AKAP6: variants seen among roughly 807,000 people sequenced by gnomAD.
The protein encoded by AKAP6 is A-kinase anchoring protein 6.
A neutral mutation model predicts 188.5 loss-of-function variants in AKAP6; 58 were observed. The observed-to-expected ratio is 0.31, with a 90% CI of 0.25 to 0.38. AKAP6 has a LOEUF of 0.38. Ranked by LOEUF, AKAP6 falls within the 10% of genes least tolerant of loss-of-function variation. AKAP6 has a pLI of 1.00. For missense variants in AKAP6, 2,710 were observed against 2,740.0 expected (o/e 0.99, Z 0.24); for synonymous variants, 989 against 998.6 (o/e 0.99, Z 0.18).
At chr14:32,411,178 G>C (rs1440018455) in intron 1 of AKAP6, among the ~76,000 whole-genome samples, 1 of 152,026 alleles carries the variant, frequency 6.6e-6, no homozygotes, top group Non-Finnish European at 1.5e-5. Flanking sequence ...ACTACTACTA[G>C]ACATTCTACA....
chr14:32,723,831 G>A (rs893419282), intron 9 of AKAP6, among the ~76,000 whole-genome samples: 2 of 152,088 alleles, frequency 1.3e-5, no homozygotes, highest in East Asian at 1.9e-4. Flanking sequence ...TATGACAGTA[G>A]CAATAGTTAG....
intron 8 of AKAP6, among the ~76,000 whole-genome samples, chr14:32,689,368 G>A (rs541923303): frequency 1.3e-5 from 2 of 152,156 alleles, no homozygotes; most frequent in South Asian, 4.2e-4. Flanking sequence ...TGGACAGATG[G>A]TCCACGAGAA....
At chr14:32,617,988 A>G (rs1463285673) in intron 7 of AKAP6, among the ~76,000 whole-genome samples, 5 of 151,706 alleles carry the variant, frequency 3.3e-5, no homozygotes, top group Non-Finnish European at 5.9e-5. Flanking sequence ...GTTGATTCAT[A>G]CTCTTTGAGA....
intron 1 of AKAP6, among the ~76,000 whole-genome samples, chr14:32,365,620 C>T (rs978596885): frequency 6.6e-6 from 1 of 152,192 alleles, no homozygotes; most frequent in Non-Finnish European, 1.5e-5. Context: ...GGGTGCCACT[C>T]CTGGGCCACT....
chr14:32,704,338 TC>T (rs1299141281), intron 9 of AKAP6, among the ~76,000 whole-genome samples: 2 of 152,220 alleles, frequency 1.3e-5, no homozygotes, highest in Non-Finnish European at 2.9e-5. Context: ...TAGTATTCCC[TC>T]TTTTGTTAAG....
chr14:32,362,447 T>G (rs1211185092), intron 1 of AKAP6, among the ~76,000 whole-genome samples: 4 of 152,156 alleles, frequency 2.6e-5, no homozygotes, highest in Non-Finnish European at 5.9e-5. Flanking sequence ...CGGGAAAAGC[T>G]TCAGAGAGAA....
chr14:32,681,345 G>C (rs12883773), intron 8 of AKAP6, among the ~76,000 whole-genome samples: 1 of 151,796 alleles, frequency 6.6e-6, no homozygotes, highest in African/African-American at 2.4e-5. Flanking sequence ...TCTTCAGTCT[G>C]TGTAAAGGAG....
intron 2 of AKAP6, among the ~76,000 whole-genome samples, chr14:32,443,694 A>G (rs901972728): frequency 6.6e-6 from 1 of 152,166 alleles, no homozygotes; most frequent in Non-Finnish European, 1.5e-5. Context: ...GGGCTTCCAC[A>G]TGATTTGTTT....
rs779782808 is a variant in AKAP6 at position 32,547,005 on chromosome 14, G to T, written c.2346+6G>T. The T allele has an allele frequency of 6.3e-7, 1 of 1,581,134 alleles. No individual in the cohort carries two copies. The highest frequency in any genetic ancestry group is 8.5e-7 in the Non-Finnish European group (1 of 1,171,220). On this transcript the variant is annotated splice_donor_region_variant and intron_variant, in intron 4 of 13. Coordinates refer to ENST00000280979, the MANE Select transcript of AKAP6 (RefSeq NM_004274.5). ...CCATATGGGAAAAAATAGAGGTAAGGTGGTTTTCTTAACATGAATGATTTC... is the reference window on the plus strand; with the variant it reads ...CCATATGGGAAAAAATAGAGGTAAGTTGGTTTTCTTAACATGAATGATTTC...
chr14:32,372,543 A>G (rs141658658), intron 1 of AKAP6, among the ~76,000 whole-genome samples: 91 of 142,924 alleles, frequency 6.4e-4, no homozygotes, highest in Middle Eastern at 3.5e-3. Flanking sequence ...TCTTTATAGC[A>G]ATATAATTCT....
chr14:32,596,683 C>T (rs1015833904), intron 5 of AKAP6, among the ~76,000 whole-genome samples: 1 of 152,278 alleles, frequency 6.6e-6, no homozygotes, highest in Non-Finnish European at 1.5e-5. Flanking sequence ...GAATGCTCTG[C>T]ATTTTCAGGG....
At chr14:32,806,203 C>T (rs1260426528) in intron 12 of AKAP6, among the ~76,000 whole-genome samples, 1 of 152,144 alleles carries the variant, frequency 6.6e-6, no homozygotes, top group Non-Finnish European at 1.5e-5. Flanking sequence ...GAGCTTCACA[C>T]CCAAAGAATT....
chr14:32,700,380 T>C (rs1055219953), intron 9 of AKAP6, among the ~76,000 whole-genome samples: 18 of 152,174 alleles, frequency 1.2e-4, no homozygotes, highest in Non-Finnish European at 2.2e-4. Context: ...CTGGTGATTA[T>C]TGTTATAATT....
Position 32,521,632 on chromosome 14 carries a change from G to C in AKAP6, c.325-13922G>C, listed in dbSNP as rs187691995. ...ATACCTAGGAATCCAACTTACAAGG[G>C]ATGTGAAGGACCTCTTCAAGGAGAA... On this transcript the variant is annotated intron_variant, in intron 2 of 13. Coordinates refer to ENST00000280979, the MANE Select transcript of AKAP6 (RefSeq NM_004274.5). 2.7e-3 allele frequency among the ~76,000 whole-genome samples: 414 copies of C among 152,272 alleles called. 1 individual carries two copies. The highest frequency in any genetic ancestry group is 9.4e-3 in the African/African-American group (391 of 41,542).
intron 7 of AKAP6, among the ~76,000 whole-genome samples, chr14:32,603,048 C>G (rs1397424633): frequency 6.6e-6 from 1 of 152,130 alleles, no homozygotes; most frequent in Non-Finnish European, 1.5e-5. Context: ...AAGGGAGTCA[C>G]AAGAGGTTGG....
At chr14:32,720,799 C>T (rs1566665911) in intron 9 of AKAP6, among the ~76,000 whole-genome samples, 1 of 152,076 alleles carries the variant, frequency 6.6e-6, no homozygotes, top group Non-Finnish European at 1.5e-5. Flanking sequence ...GTGTGTTCAT[C>T]ATGCCTGTGA....
intron 7 of AKAP6, among the ~76,000 whole-genome samples, chr14:32,664,818 A>G (rs184693981): frequency 1.2e-4 from 18 of 152,224 alleles, no homozygotes; most frequent in Admixed American, 1.2e-3. Flanking sequence ...CCAGACCCCT[A>G]GGAACTGGAC....
intron 7 of AKAP6, among the ~76,000 whole-genome samples, chr14:32,609,954 A>G (rs1886286848): frequency 6.6e-6 from 1 of 151,842 alleles, no homozygotes; most frequent in Non-Finnish European, 1.5e-5. Flanking sequence ...TGGAAATCAA[A>G]AGCAGAAAAA....
At chr14:32,722,574 C>CCAAG (rs2030604931) in intron 9 of AKAP6, among the ~76,000 whole-genome samples, 1 of 152,094 alleles carries the variant, frequency 6.6e-6, no homozygotes, top group African/African-American at 2.4e-5. Context: ...CGTAAAAACC[C>CCAAG]CAAGCTCCAC....
Sources: gnomAD v4.1 joint callset for allele counts (sites outside exome capture counted in the v4.1 genomes callset) on GRCh38, gnomAD v4.1.1 for gene constraint, MANE v1.5 for transcripts, NCBI Gene and HGNC (gene_info 2026-07-23, HGNC 2026-07-21) for gene names.